The following GML variants were observed in gnomAD, a reference collection of about 807,000 sequenced individuals.
The protein encoded by GML is glycosylphosphatidylinositol anchored molecule like.
A neutral mutation model predicts 8.2 loss-of-function variants in GML; 5 were observed. That is an observed-to-expected ratio of 0.61 (90% CI 0.32 to 1.28). GML has a LOEUF of 1.28. Ranked by LOEUF, GML falls within the 50% of genes most tolerant of loss-of-function variation. GML has a pLI of 0.06. For synonymous variants in GML, 72 were observed against 69.0 expected (o/e 1.04, Z -0.22); for missense variants, 191 against 198.3 (o/e 0.96, Z 0.22).
chr8:142,846,742 T>A lies in GML; in HGVS notation c.*52T>A, dbSNP rs763854288. 4 of 1,332,738 alleles carry A rather than the reference T, an allele frequency of 3.0e-6. No homozygotes were observed. The highest frequency in any genetic ancestry group is 3.2e-6 in the Non-Finnish European group (3 of 940,624). 82.6% of individuals were successfully genotyped at this position (1,332,738 alleles called of 1,614,324 possible). ...TCTTCACCTGTTCCGCAGAGAAATGTTGCTCTCCATTATTCCCTTCTAAGC... is the reference window on the plus strand; with the variant it reads ...TCTTCACCTGTTCCGCAGAGAAATGATGCTCTCCATTATTCCCTTCTAAGC... On this transcript the variant is annotated 3_prime_UTR_variant, in exon 4 of 4. Transcript: ENST00000220940.
chr8:142,836,070 T>C (rs1816338597), intron 1 of GML, among the ~76,000 whole-genome samples: 1 of 152,266 alleles, frequency 6.6e-6, no homozygotes, highest in African/African-American at 2.4e-5. Context: ...TGTGATAAAC[T>C]GGTAATAGTA....
chr8:142,841,345 T>C (rs1043359188), intron 3 of GML, 120 bp downstream of exon 3: 46 of 666,832 alleles, frequency 6.9e-5, no homozygotes, highest in Non-Finnish European at 1.1e-4. Context: ...TTCCCTCATG[T>C]CCTCCCATCC....
In GML at chr8:142,840,479, G is replaced by C. The variant is rs1377306381; in HGVS notation, c.42G>C (p.Leu14Phe). The C allele has an allele frequency of 1.9e-6, 3 of 1,613,520 alleles. No individual in the cohort carries two copies. The highest frequency in any genetic ancestry group is 2.5e-6 in the Non-Finnish European group (3 of 1,179,390). ...TACTCCTAGCCATGGAGCTCCCATT[G>C]GTGGCAGCCAGTGCCACCATGCGCG... ...FALLLAMELP[L>F]VAASATMRAQ... Residue 14 changes from leucine to phenylalanine, a missense_variant, in exon 2 of 4, where the codon TTG becomes TTC. By Grantham distance (22) the Leu-to-Phe change is conservative. Transcript: ENST00000220940.
rs971216982 is a variant in GML, at chr8:142,843,055, C to G, written c.181+1830C>G. 2.6e-5 allele frequency among the ~76,000 whole-genome samples: 4 copies of G among 152,084 alleles called. No individual in the cohort carries two copies. In the East Asian group the frequency reaches 5.8e-4, roughly 22 times the overall value. ...TATTAGGACAAAGAAATTGGGAATG[C>G]TGGAATGCTGGGACATTTTTCCTTT... On this transcript the variant is annotated intron_variant, in intron 3 of 3. Coordinates refer to ENST00000220940, the MANE Select transcript of GML (RefSeq NM_002066.3).
intron 1 of GML, 42 bp from the exon 2 acceptor site, chr8:142,840,374 C>A: frequency 7.8e-7 from 1 of 1,274,910 alleles, no homozygotes; most frequent in Non-Finnish European, 1.1e-6. Flanking sequence ...GGCCAAGGAG[C>A]CATGGCTCAC....
chr8:142,843,942 A>C (rs546863400), intron 3 of GML, among the ~76,000 whole-genome samples: 2 of 152,220 alleles, frequency 1.3e-5, no homozygotes, highest in African/African-American at 4.8e-5. Context: ...ATTTCAGTCA[A>C]AGTCTCAGCA....
chr8:142,841,992 T>C (rs959312279), intron 3 of GML, among the ~76,000 whole-genome samples: 3 of 152,112 alleles, frequency 2.0e-5, no homozygotes, highest in Admixed American at 6.6e-5. Flanking sequence ...CTCGGTGTGG[T>C]TTGGCTATGT....
chr8:142,842,797 T>G (rs1479237244), intron 3 of GML, among the ~76,000 whole-genome samples: 1 of 152,230 alleles, frequency 6.6e-6, no homozygotes, highest in African/African-American at 2.4e-5. Flanking sequence ...ACAGCCTTAC[T>G]TGAGAGGATA....
Position 142,846,658 on chromosome 8 carries a change from G to A in GML, c.445G>A (p.Ala149Thr), listed in dbSNP as rs777600172. The change falls in exon 4 of 4, where the codon GCC becomes ACC. Residue 149 changes from alanine (A) to threonine (T), a missense_variant. Coordinates refer to ENST00000220940, the MANE Select transcript of GML (RefSeq NM_002066.3). Reference sequence around the variant, plus strand: ...GGTATCAAAACTGTTGCTGAGTTTTGCCTCTATCATAGTCAGCAATATATT... The same window carrying A: ...GGTATCAAAACTGTTGCTGAGTTTTACCTCTATCATAGTCAGCAATATATT... ...LGVSKLLLSFASIIVSNILP is the reference protein window; with the variant it reads ...LGVSKLLLSFTSIIVSNILP 4 of 1,613,906 alleles carry A rather than the reference G, an allele frequency of 2.5e-6. No individual in the cohort carries two copies. Among genetic ancestry groups the A allele is most frequent in the East Asian group, 4.5e-5 (2 of 44,886 alleles).
At chr8:142,838,355 C>G (rs563689716) in intron 1 of GML, among the ~76,000 whole-genome samples, 9 of 152,182 alleles carry the variant, frequency 5.9e-5, no homozygotes, top group Admixed American at 2.0e-4. Flanking sequence ...GGCTTAATCA[C>G]TTCTGTGCCT....
In GML at chr8:142,840,404, C is replaced by G. The variant is rs1816411511; in HGVS notation, c.-22-12C>G. 1 of 1,554,746 alleles carries G rather than the reference C, an allele frequency of 6.4e-7. No homozygotes were observed. Among genetic ancestry groups the G allele is most frequent in the African/African-American group, 1.4e-5 (1 of 73,768 alleles). ...GCTCACTAACGTGTTGTATGGGGCTCCTTCCCTTCAGGTCCAGGCTCCTGC... is the reference window on the plus strand; with the variant it reads ...GCTCACTAACGTGTTGTATGGGGCTGCTTCCCTTCAGGTCCAGGCTCCTGC... On this transcript the variant is annotated splice_polypyrimidine_tract_variant and intron_variant, in intron 1 of 3. Transcript: ENST00000220940.
chr8:142,845,937 G>C (rs759206437), intron 3 of GML, among the ~76,000 whole-genome samples: 1 of 152,088 alleles, frequency 6.6e-6, no homozygotes, highest in African/African-American at 2.4e-5. Flanking sequence ...ACCCTAGAAG[G>C]GTCTTGCCAA....
At chr8:142,842,582 T>C (rs1816448328) in intron 3 of GML, among the ~76,000 whole-genome samples, 1 of 152,240 alleles carries the variant, frequency 6.6e-6, no homozygotes, top group Non-Finnish European at 1.5e-5. Context: ...AGATCACTCT[T>C]CTGGAAGGTC....
intron 1 of GML, among the ~76,000 whole-genome samples, chr8:142,839,471 T>G (rs1279802889): frequency 1.3e-5 from 2 of 152,210 alleles, no homozygotes; most frequent in Non-Finnish European, 2.9e-5. Flanking sequence ...CTTCTAGTTC[T>G]GTAGCCCCAG....
intron 1 of GML, among the ~76,000 whole-genome samples, chr8:142,836,803 G>A (rs561919284): frequency 2.0e-5 from 3 of 152,072 alleles, no homozygotes; most frequent in Non-Finnish European, 4.4e-5. Context: ...CTCTGGAGCC[G>A]GCCCTGTCTC....
At chr8:142,841,002 A>T in intron 2 of GML, 116 bp from the exon 3 acceptor site, 1 of 678,622 alleles carries the variant, frequency 1.5e-6, no homozygotes, top group South Asian at 1.7e-5. Context: ...AGGCTAGGAG[A>T]AGTCCTTGGA....
intron 3 of GML, among the ~76,000 whole-genome samples, chr8:142,841,834 C>T (rs3819495): frequency 0.23 from 35,725 of 152,122 alleles, 7,034 homozygotes; most frequent in East Asian, 0.55. Flanking sequence ...CCAGTGTATG[C>T]CCTGGCGCAC....
Position 142,846,389 on chromosome 8 carries a change from T to A in GML, c.182-6T>A, listed in dbSNP as rs1816503748. 6.4e-7 allele frequency: 1 copy of A among 1,572,622 alleles called. No individual in the cohort carries two copies. Among genetic ancestry groups the A allele is most frequent in the East Asian group, 2.2e-5 (1 of 44,588 alleles). ...CAATTATTTTCATTGCTGCTTCTTTTTTTAGGCATAAATTCTCGTGAACTA... is the reference window on the plus strand; with the variant it reads ...CAATTATTTTCATTGCTGCTTCTTTATTTAGGCATAAATTCTCGTGAACTA... On this transcript the variant is annotated splice_region_variant and splice_polypyrimidine_tract_variant and intron_variant, in intron 3 of 3. Transcript: ENST00000220940.
intron 3 of GML, among the ~76,000 whole-genome samples, chr8:142,843,075 T>C (rs977260649): frequency 6.6e-6 from 1 of 152,148 alleles, no homozygotes; most frequent in Non-Finnish European, 1.5e-5. Context: ...GGGACATTTT[T>C]CCTTTCAGGA....
Sources: gnomAD v4.1 joint callset for allele counts (sites outside exome capture counted in the v4.1 genomes callset) on GRCh38, gnomAD v4.1.1 for gene constraint, MANE v1.5 for transcripts, NCBI Gene and HGNC (gene_info 2026-07-23, HGNC 2026-07-21) for gene names.